The following BUD23 variants were observed in gnomAD, a reference collection of about 807,000 sequenced individuals.
The protein encoded by BUD23 is 18S rRNA (guanine-N(7))-methyltransferase.
BUD23 carries 34 observed loss-of-function variants against 47.0 expected under a neutral mutation model. The ratio of observed to expected loss-of-function variants is 0.72; its 90% CI spans 0.55 to 0.96. BUD23 has a LOEUF of 0.96. Among genes scored for constraint, BUD23 ranks in the 40% least tolerant of loss-of-function variants. The pLI is 0.00. For synonymous variants in BUD23, 124 were observed against 132.0 expected (o/e 0.94, Z 0.41); for missense variants, 343 against 361.2 (o/e 0.95, Z 0.41).
intron 7 of BUD23, 194 bp downstream of exon 7, chr7:73,692,840 C>T (rs781981069): frequency 2.4e-5 from 14 of 574,328 alleles, no homozygotes; most frequent in Non-Finnish European, 4.0e-5. Context: ...GGGTGGGATG[C>T]CTTCTCTTGG....
chr7:73,689,706 G>C (rs536083841), intron 5 of BUD23, among the ~76,000 whole-genome samples: 3 of 152,298 alleles, frequency 2.0e-5, no homozygotes, highest in African/African-American at 7.2e-5. Context: ...AGATGGGGTT[G>C]AGTGTGGTTG....
intron 10 of BUD23, chr7:73,696,194 T>G (rs999241654): frequency 3.3e-5 from 5 of 152,268 alleles, no homozygotes; most frequent in Admixed American, 6.5e-5. Context: ...GGCACAGCCA[T>G]GCATGTTCCT....
At chr7:73,693,266 G>A in intron 7 of BUD23, 63 bp from the exon 8 acceptor site, 1 of 1,424,920 alleles carries the variant, frequency 7.0e-7, no homozygotes, top group Admixed American at 1.9e-5. Flanking sequence ...AGGAGGGGAG[G>A]GAGGTGAAGC....
intron 10 of BUD23, 171 bp downstream of exon 10, chr7:73,694,221 G>A (rs1798308324): frequency 1.5e-6 from 1 of 675,104 alleles, no homozygotes; most frequent in East Asian, 3.0e-5. Flanking sequence ...TGGGGCTAGG[G>A]GTTTGGGGTC....
At chr7:73,697,241 C>T (rs1414661607) in intron 10 of BUD23, 7 of 577,966 alleles carry the variant, frequency 1.2e-5, no homozygotes, top group South Asian at 4.0e-5. Flanking sequence ...TGTGAACTGT[C>T]GACTGTGCTC....
Position 73,693,315 on chromosome 7 carries a change from C to T in BUD23, c.511-14C>T. 6.2e-7 allele frequency: 1 copy of T among 1,613,004 alleles called. No individual in the cohort carries two copies. The highest frequency in any genetic ancestry group is 1.1e-5 in the South Asian group (1 of 90,830). ...CAACCTCCGCTGCCTGACCCGCTGC[C>T]TTTCTTTCCTCAGTTGGAGCTGATC... is the stretch of plus-strand genomic sequence containing the variant. On this transcript the variant is annotated splice_polypyrimidine_tract_variant and intron_variant, in intron 7 of 11. Coordinates refer to ENST00000265758, the MANE Select transcript of BUD23 (RefSeq NM_017528.5).
chr7:73,685,768 A>C (rs1797942199), intron 2 of BUD23, among the ~76,000 whole-genome samples: 1 of 151,958 alleles, frequency 6.6e-6, no homozygotes, highest in African/African-American at 2.4e-5. Context: ...GAGTTAATGG[A>C]AATACGTTAT....
At chr7:73,697,341 C>A in intron 10 of BUD23, 1 of 1,155,538 alleles carries the variant, frequency 8.7e-7, no homozygotes, top group Non-Finnish European at 1.2e-6. Flanking sequence ...GAACAGACTG[C>A]TCGCTGGTGT....
intron 2 of BUD23, among the ~76,000 whole-genome samples, chr7:73,686,400 AGTT>A (rs1797968384): frequency 6.6e-6 from 1 of 152,224 alleles, no homozygotes; most frequent in Non-Finnish European, 1.5e-5. Flanking sequence ...TGCAATGATA[AGTT>A]GTTACCACAA....
At chr7:73,693,110 A>C in intron 7 of BUD23, 1 of 590,832 alleles carries the variant, frequency 1.7e-6, no homozygotes, top group East Asian at 2.8e-5. Context: ...CTGGAAAGTG[A>C]GAATGAGGGG....
Position 73,694,048 on chromosome 7 carries a change from G to A in BUD23, c.699G>A (p.Glu233=). Residue 233 remains glutamate, a splice_region_variant and synonymous_variant, in exon 10 of 12, where the codon GAG becomes GAA. Coordinates refer to ENST00000265758, the MANE Select transcript of BUD23 (RefSeq NM_017528.5). ...VEPRESVFTN[E]RFPLRMSRRG... The stretch of plus-strand genomic sequence containing the variant: ...CCAGGGAGTCTGTGTTCACCAATGA[G>A]AGGTAAAGCAACTGCTGAAGCCTGC... 2.5e-6 allele frequency: 4 copies of A among 1,608,328 alleles called. No homozygotes were observed. The highest frequency in any genetic ancestry group is 2.5e-6 in the Non-Finnish European group (3 of 1,178,538).
At chr7:73,688,486 A>ATGGGCCCCAGCCATCTTG (rs1798066269) in intron 5 of BUD23, among the ~76,000 whole-genome samples, 1 of 152,116 alleles carries the variant, frequency 6.6e-6, no homozygotes. Flanking sequence ...CGGCCATTTT[A>ATGGGCCCCAGCCATCTTG]TGGGCCCCAG....
chr7:73,684,398 G>C (rs536347463), intron 2 of BUD23, among the ~76,000 whole-genome samples: 3 of 150,874 alleles, frequency 2.0e-5, no homozygotes, highest in South Asian at 2.1e-4. Context: ...AAAATTAGCC[G>C]GGTGTGGTGG....
At position 73,694,043 on chromosome 7, in the gene BUD23, A is replaced by C; in HGVS notation, c.694A>C (p.Asn232His). ...EVEPRESVFT[N>H]ERFPLRMSRR... ...TGAACCCAGGGAGTCTGTGTTCACCAATGAGAGGTAAAGCAACTGCTGAAG... is the reference window on the plus strand; with the variant it reads ...TGAACCCAGGGAGTCTGTGTTCACCCATGAGAGGTAAAGCAACTGCTGAAG... The change falls in exon 10 of 12, where the codon AAT (asparagine) becomes CAT (histidine). Residue 232 changes from asparagine to histidine, a missense_variant. Physicochemically the swap from Asn to His is moderately conservative, Grantham distance 68. Coordinates refer to ENST00000265758, the MANE Select transcript of BUD23 (RefSeq NM_017528.5). 1 of 1,609,258 alleles carries C rather than the reference A, an allele frequency of 6.2e-7. No homozygotes were observed. The highest frequency in any genetic ancestry group is 8.5e-7 in the Non-Finnish European group (1 of 1,178,768).
chr7:73,695,297 C>T (rs1198046774), intron 10 of BUD23: 34 of 150,874 alleles, frequency 2.3e-4, no homozygotes, highest in African/African-American at 8.3e-4. Context: ...CACTCTTTCC[C>T]CCCAGGCTGG....
At chr7:73,692,732 C>A in intron 7 of BUD23, 86 bp downstream of exon 7, 1 of 1,369,792 alleles carries the variant, frequency 7.3e-7, no homozygotes, top group Middle Eastern at 1.8e-4. Flanking sequence ...GAATCTTATG[C>A]AGATTGGCGG....
chr7:73,684,093 T>C (rs1427648583), intron 2 of BUD23: 3 of 1,028,834 alleles, frequency 2.9e-6, no homozygotes, highest in Admixed American at 3.1e-5. Context: ...CGCTGGGCGG[T>C]GGGTACGGGC....
chr7:73,689,425 T>C (rs1798103339), intron 5 of BUD23, among the ~76,000 whole-genome samples: 1 of 151,952 alleles, frequency 6.6e-6, no homozygotes. Context: ...AATGAAACAG[T>C]TTCTGCGTGT....
intron 5 of BUD23, among the ~76,000 whole-genome samples, chr7:73,689,666 A>G (rs1391167317): frequency 6.6e-6 from 1 of 152,104 alleles, no homozygotes; most frequent in African/African-American, 2.4e-5. Flanking sequence ...GGGGTCTGAG[A>G]TGAGAGGGAT....
Sources: gnomAD v4.1 joint callset for allele counts (sites outside exome capture counted in the v4.1 genomes callset) on GRCh38, gnomAD v4.1.1 for gene constraint, MANE v1.5 for transcripts, NCBI Gene and HGNC (gene_info 2026-07-23, HGNC 2026-07-21) for gene names.